Variants in CHDH observed in about 807,000 individuals in gnomAD.
The protein encoded by CHDH is choline dehydrogenase, mitochondrial.
A neutral mutation model predicts 56.9 loss-of-function variants in CHDH; 43 were observed. The ratio of observed to expected loss-of-function variants is 0.76; its 90% CI spans 0.59 to 0.97. The LOEUF (loss-of-function observed/expected upper bound fraction) is 0.97. Ranked by LOEUF, CHDH falls within the 50% of genes least tolerant of loss-of-function variation. The pLI is 0.00. For missense variants in CHDH, 816 were observed against 821.1 expected, an observed-to-expected ratio of 0.99 and a Z score of 0.08; for synonymous variants, 364 against 348.5, an observed-to-expected ratio of 1.04 and a Z score of -0.50.
chr3:53,822,556 T>A lies in CHDH; in HGVS notation c.790A>T (p.Arg264Trp). ...LKAEAETLVS[R>W]VLFEGTRAVG... Reference sequence around the variant, plus strand: ...GCACGGGTGCCCTCAAATAGCACCCTGCTCACAAGCGTCTCGGCCTCGGCC... The same window carrying A: ...GCACGGGTGCCCTCAAATAGCACCCAGCTCACAAGCGTCTCGGCCTCGGCC... Residue 264 changes from arginine (R) to tryptophan (W), a missense_variant, in exon 4 of 9, where the codon AGG becomes TGG. Physicochemically the swap from Arg to Trp is moderately radical, Grantham distance 101. Transcript: ENST00000315251. 6.2e-7 allele frequency: 1 copy of A among 1,613,634 alleles called. No individual in the cohort carries two copies. The highest frequency in any genetic ancestry group is 2.2e-5 in the East Asian group (1 of 44,878).
chr3:53,835,448 C>G (rs147682730), intron 2 of CHDH, among the ~76,000 whole-genome samples: 1 of 152,340 alleles, frequency 6.6e-6, no homozygotes, highest in Non-Finnish European at 1.5e-5. Flanking sequence ...TGCCCACAGG[C>G]CAGGCTGATG....
At position 53,814,556 on chromosome 3, in the gene CHDH, T is replaced by TA. The variant is rs1410047432; in HGVS notation, c.*3220dup. The stretch of plus-strand genomic sequence containing the variant: ...AACAGGTCCAGTAGAGATGGTATTT[T>TA]ATCTTTAAAAAATCTGTATTGGATC... On this transcript the variant is annotated 3_prime_UTR_variant, in exon 9 of 9. Coordinates refer to ENST00000315251, the MANE Select transcript of CHDH (RefSeq NM_018397.5). 6.6e-6 allele frequency: 1 copy of TA among 152,226 alleles called. No homozygotes were observed. Among genetic ancestry groups the TA allele is most frequent in the Admixed American group, 6.5e-5 (1 of 15,288 alleles). 9.4% of individuals were successfully genotyped at this position (152,226 alleles called of 1,614,324 possible). A position where few individuals can be genotyped will look rare whatever the true frequency, so the allele number is the denominator to read the frequency against.
At chr3:53,845,345 T>C (rs3755817) in intron 1 of CHDH, among the ~76,000 whole-genome samples, 40,540 of 152,122 alleles carry the variant, frequency 0.27, 5,744 homozygotes, top group Middle Eastern at 0.33. Flanking sequence ...CTGCTTGACT[T>C]AGTACAGCCT....
chr3:53,826,806 C>T (rs1485756316), intron 2 of CHDH, among the ~76,000 whole-genome samples: 1 of 152,146 alleles, frequency 6.6e-6, no homozygotes, highest in Non-Finnish European at 1.5e-5. Context: ...AGAAATGAAA[C>T]TTCGTTTGCT....
intron 2 of CHDH, among the ~76,000 whole-genome samples, chr3:53,832,801 T>C (rs1698379061): frequency 1.3e-5 from 2 of 152,126 alleles, no homozygotes; most frequent in South Asian, 4.1e-4. Flanking sequence ...AAGGAGTTAT[T>C]GTTTGGGGGA....
At chr3:53,837,572 T>C (rs1163222609) in intron 2 of CHDH, among the ~76,000 whole-genome samples, 1 of 152,258 alleles carries the variant, frequency 6.6e-6, no homozygotes, top group Non-Finnish European at 1.5e-5. Context: ...GCACCTCCGA[T>C]GCCTGTGGCT....
chr3:53,825,802 TCAAAATAAAGAGAAAA>T (rs1235962633), intron 2 of CHDH, among the ~76,000 whole-genome samples: 2 of 152,000 alleles, frequency 1.3e-5, no homozygotes, highest in Non-Finnish European at 2.9e-5. Flanking sequence ...TGCTGAAACT[TCAAAATAAAGAGAAAA>T]TCATCACTGT....
chr3:53,823,149 G>C (rs997469664), intron 3 of CHDH, among the ~76,000 whole-genome samples, 157 bp downstream of exon 3: 1 of 152,142 alleles, frequency 6.6e-6, no homozygotes, highest in Non-Finnish European at 1.5e-5. Context: ...ACTCTTGGAG[G>C]GGTATACTAA....
intron 2 of CHDH, among the ~76,000 whole-genome samples, chr3:53,831,688 A>G (rs1315660478): frequency 6.6e-6 from 1 of 152,272 alleles, no homozygotes; most frequent in Non-Finnish European, 1.5e-5. Flanking sequence ...ACTATAACTC[A>G]ACAACAAACA....
At chr3:53,827,651 G>GC (rs2095641384) in intron 2 of CHDH, among the ~76,000 whole-genome samples, 1 of 152,032 alleles carries the variant, frequency 6.6e-6, no homozygotes, top group Non-Finnish European at 1.5e-5. Context: ...AAATAAATAA[G>GC]CATCACAAAG....
chr3:53,837,547 C>T (rs34500349), intron 2 of CHDH, among the ~76,000 whole-genome samples: 4,862 of 152,326 alleles, frequency 0.032, 113 homozygotes, highest in Non-Finnish European at 0.051. Context: ...AAGGCGTGGG[C>T]GCTGGCCTCT....
chr3:53,833,623 G>A (rs569285593), intron 2 of CHDH, among the ~76,000 whole-genome samples: 1 of 152,316 alleles, frequency 6.6e-6, no homozygotes, highest in African/African-American at 2.4e-5. Context: ...GTTGGGGTCG[G>A]AGTCCTCCCT....
chr3:53,826,257 G>A (rs761665373), intron 2 of CHDH, among the ~76,000 whole-genome samples: 1 of 151,252 alleles, frequency 6.6e-6, no homozygotes, highest in African/African-American at 2.4e-5. Flanking sequence ...ATTACTTCCT[G>A]ACTCATTCTG....
chr3:53,840,666 G>A (rs1002675268), intron 2 of CHDH, among the ~76,000 whole-genome samples: 1 of 152,130 alleles, frequency 6.6e-6, no homozygotes, highest in Non-Finnish European at 1.5e-5. Flanking sequence ...ATCTCTTCTG[G>A]CTAATTTTAT....
At chr3:53,818,262 C>G (rs532397709) in intron 8 of CHDH, 67 bp from the exon 9 acceptor site, 1 of 1,401,442 alleles carries the variant, frequency 7.1e-7, no homozygotes, top group African/African-American at 1.4e-5. Context: ...GGAAGATTCA[C>G]GGCATGGAGA....
chr3:53,837,774 G>T (rs1373572681), intron 2 of CHDH, among the ~76,000 whole-genome samples: 1 of 152,054 alleles, frequency 6.6e-6, no homozygotes, highest in Non-Finnish European at 1.5e-5. Context: ...TGTAAGGTGG[G>T]AGGCCGGGCG....
chr3:53,826,778 G>A (rs1049612208), intron 2 of CHDH, among the ~76,000 whole-genome samples: 1 of 152,132 alleles, frequency 6.6e-6, no homozygotes, highest in African/African-American at 2.4e-5. Flanking sequence ...AAAAGGAAAA[G>A]GTACAGATTG....
intron 3 of CHDH, 123 bp from the exon 4 acceptor site, chr3:53,822,765 A>C: frequency 8.0e-7 from 1 of 1,257,426 alleles, no homozygotes. Flanking sequence ...CCGCCTTCAA[A>C]GTAAAGCTGA....
At chr3:53,833,278 C>T (rs1249614172) in intron 2 of CHDH, among the ~76,000 whole-genome samples, 1 of 152,218 alleles carries the variant, frequency 6.6e-6, no homozygotes, top group Admixed American at 6.5e-5. Flanking sequence ...TCTTCCGGGT[C>T]CCAATCATTT....
Sources: allele counts gnomAD v4.1 joint callset (sites outside exome capture counted in the v4.1 genomes callset), GRCh38; gene constraint gnomAD v4.1.1; transcripts MANE v1.5; gene names NCBI Gene and HGNC (gene_info 2026-07-23, HGNC 2026-07-21).